UBE2W: variants seen among roughly 807,000 people sequenced by gnomAD.
UBE2W encodes the protein ubiquitin conjugating enzyme E2 W.
Under a neutral mutation model 27.2 loss-of-function variants are expected in UBE2W, and 18 were observed. That is an observed-to-expected ratio of 0.66 (90% confidence interval 0.46 to 0.98). UBE2W has a LOEUF of 0.98. Ranked by LOEUF, UBE2W falls within the 50% of genes least tolerant of loss-of-function variation. The probability of loss-of-function intolerance (pLI) is 0.00; values close to 1 mark genes in which losing one functional copy is unlikely to be tolerated. For missense variants in UBE2W, 90 were observed against 180.2 expected (o/e 0.50, Z 2.87); for synonymous variants, 53 against 57.2 (o/e 0.93, Z 0.33).
chr8:73,862,501 C>G (rs1811571146), intron 1 of UBE2W, among the ~76,000 whole-genome samples: 1 of 151,730 alleles, frequency 6.6e-6, no homozygotes, highest in South Asian at 2.1e-4. Context: ...CATTACCATT[C>G]AGGACATAGG....
At chr8:73,804,075 T>A (rs13281140) in intron 5 of UBE2W, among the ~76,000 whole-genome samples, 19 of 152,130 alleles carry the variant, frequency 1.2e-4, no homozygotes, top group Middle Eastern at 3.4e-3. Flanking sequence ...CACTTCTTTG[T>A]GTTTTCTAAT....
chr8:73,863,578 TAAAAAAAA>T (rs1230294140), intron 1 of UBE2W, among the ~76,000 whole-genome samples: 1 of 104,086 alleles, frequency 9.6e-6, no homozygotes, highest in Admixed American at 1.1e-4. Flanking sequence ...TAAAGTATAA[TAAAAAAAA>T]AAAAGAAAAA....
intron 5 of UBE2W, among the ~76,000 whole-genome samples, chr8:73,797,409 A>G (rs940557145): frequency 2.6e-5 from 4 of 152,230 alleles, no homozygotes; most frequent in African/African-American, 9.6e-5. Flanking sequence ...ATTTTCCTTT[A>G]ACGAACCAAT....
At chr8:73,798,348 G>T (rs1321424480) in intron 5 of UBE2W, among the ~76,000 whole-genome samples, 1 of 152,038 alleles carries the variant, frequency 6.6e-6, no homozygotes, top group Non-Finnish European at 1.5e-5. Flanking sequence ...TGTGTTTAAG[G>T]TATATGTGAA....
chr8:73,794,214 GTAC>G, intron 5 of UBE2W, 99 bp from the exon 6 acceptor site: 1 of 1,440,270 alleles, frequency 6.9e-7, no homozygotes, highest in Non-Finnish European at 9.5e-7. Context: ...TTAGCAAGAA[GTAC>G]ATAGTTTACA....
At chr8:73,811,813 T>TA (rs1308593193) in intron 3 of UBE2W, among the ~76,000 whole-genome samples, 3 of 152,072 alleles carry the variant, frequency 2.0e-5, no homozygotes, top group African/African-American at 7.2e-5. Context: ...TGATAAAAGA[T>TA]ATACAGTATT....
At chr8:73,825,556 A>G (rs1446802223) in intron 2 of UBE2W, among the ~76,000 whole-genome samples, 1 of 152,104 alleles carries the variant, frequency 6.6e-6, no homozygotes, top group South Asian at 2.1e-4. Context: ...GTAATCCCAG[A>G]ACTTTGGGAG....
At chr8:73,828,550 G>A (rs577707058) in intron 2 of UBE2W, among the ~76,000 whole-genome samples, 177 of 152,196 alleles carry the variant, frequency 1.2e-3, no homozygotes, top group African/African-American at 4.0e-3. Flanking sequence ...TCCTAGGATG[G>A]TGTATGGTAG....
intron 1 of UBE2W, among the ~76,000 whole-genome samples, chr8:73,854,020 A>T (rs1236380845): frequency 2.0e-5 from 3 of 152,070 alleles, no homozygotes; most frequent in Non-Finnish European, 4.4e-5. Context: ...GTGGTGGTGC[A>T]CGCTTGTAGT....
rs1809518875 is a variant in UBE2W, at chr8:73,819,384, A to G, written c.210+5763T>C. On this transcript the variant is annotated intron_variant, in intron 3 of 5. Transcript: ENST00000602593. ...CAGCACAGTGTCTGTCCCATGACAC[A>G]TCCTCAAGAAATACGGAATGAATAT... Among the ~76,000 whole-genome samples the G allele has an allele frequency of 3.9e-5, 6 of 152,242 alleles. 1 individual carries two copies. The South Asian group carries it at 1.2e-3, about 31-fold the overall frequency.
intron 1 of UBE2W, among the ~76,000 whole-genome samples, chr8:73,844,874 C>T (rs567200712): frequency 1.3e-5 from 2 of 150,950 alleles, no homozygotes; most frequent in South Asian, 4.2e-4. Flanking sequence ...CTCCGACGGG[C>T]CACCCCGTCT....
rs1387133638 is a variant in UBE2W, at chr8:73,786,679, T to C, written c.*7423A>G. ...ATTGCTACTGCTTATGAAACAAGGT[T>C]TGTGGACAGCTGAAGAGCAGCCTAG... On this transcript the variant is annotated 3_prime_UTR_variant, in exon 6 of 6. Coordinates refer to ENST00000602593, the MANE Select transcript of UBE2W (RefSeq NM_018299.6). 2 of 985,228 alleles carry C rather than the reference T, an allele frequency of 2.0e-6. No homozygotes were observed. Among genetic ancestry groups the C allele is most frequent in the Non-Finnish European group, 2.4e-6 (2 of 829,950 alleles). 61.0% of individuals were successfully genotyped at this position (985,228 alleles called of 1,614,324 possible).
rs571910688 is a variant in UBE2W at position 73,816,639 on chromosome 8, T to C, written c.211-6010A>G. ...TTCAGCACCACTCTTAGCAACAAAA[T>C]GGCTTCTAATCAAAGAGACACTGTC... On this transcript the variant is annotated intron_variant, in intron 3 of 5. Coordinates refer to ENST00000602593, the MANE Select transcript of UBE2W (RefSeq NM_018299.6). Among the ~76,000 whole-genome samples, 28 of 152,310 alleles carry C rather than the reference T, an allele frequency of 1.8e-4. 1 individual carries two copies. In the South Asian group the frequency reaches 5.8e-3, roughly 32 times the overall value.
Position 73,788,170 on chromosome 8 carries a change from TAAAGC to T in UBE2W, c.*5927_*5931del. On this transcript the variant is annotated 3_prime_UTR_variant, in exon 6 of 6. Transcript: ENST00000602593. ...TATTATTAAAAGTTATGAAATTCCATAAAGCAAAGTAATCTGCATTCAACTAACAA... is the reference window on the plus strand; with the variant it reads ...TATTATTAAAAGTTATGAAATTCCATAAAGTAATCTGCATTCAACTAACAA... The T allele has an allele frequency of 1.0e-6, 1 of 972,910 alleles. No homozygotes were observed. Among genetic ancestry groups the T allele is most frequent in the Non-Finnish European group, 1.2e-6 (1 of 818,626 alleles). The allele number at this position is 972,910 out of a possible 1,614,324, so 60.3% of individuals were successfully genotyped here. A position where few individuals can be genotyped will look rare whatever the true frequency, so the allele number is the denominator to read the frequency against.
chr8:73,861,749 C>T (rs1224250858), intron 1 of UBE2W, among the ~76,000 whole-genome samples: 4 of 152,112 alleles, frequency 2.6e-5, no homozygotes, highest in Admixed American at 1.3e-4. Context: ...CCTATGGAAC[C>T]GCCCCATAGC....
intron 5 of UBE2W, among the ~76,000 whole-genome samples, chr8:73,796,220 G>A (rs1808413381): frequency 1.3e-5 from 2 of 152,028 alleles, no homozygotes; most frequent in South Asian, 4.1e-4. Context: ...AATAGGGTTG[G>A]TCGCTGAAAC....
intron 4 of UBE2W, among the ~76,000 whole-genome samples, chr8:73,807,929 A>G (rs774897030): frequency 9.9e-5 from 15 of 152,216 alleles, no homozygotes; most frequent in Non-Finnish European, 1.9e-4. Context: ...ATGTAAATAT[A>G]TTACAAAGGC....
At chr8:73,834,939 C>T (rs568801177) in intron 1 of UBE2W, among the ~76,000 whole-genome samples, 4 of 151,898 alleles carry the variant, frequency 2.6e-5, no homozygotes, top group Admixed American at 6.6e-5. Flanking sequence ...AAACTCCCAA[C>T]AACAACAAAA....
chr8:73,785,978 T>C (rs1807943023), downstream of UBE2W, among the ~76,000 whole-genome samples: 1 of 152,238 alleles, frequency 6.6e-6, no homozygotes, highest in Admixed American at 6.5e-5. Flanking sequence ...CTTTTCTATT[T>C]ATTATCTCCC....
Sources: allele counts gnomAD v4.1 joint callset (sites outside exome capture counted in the v4.1 genomes callset), GRCh38; gene constraint gnomAD v4.1.1; transcripts MANE v1.5; gene names NCBI Gene and HGNC (gene_info 2026-07-23, HGNC 2026-07-21).